The following ITGA6 variants were observed in gnomAD, a reference collection of about 807,000 sequenced individuals.
ITGA6 encodes the protein integrin subunit alpha 6, also known as integrin alpha-6.
ITGA6 carries 63 observed loss-of-function variants against 133.6 expected under a neutral mutation model. That is an observed-to-expected ratio of 0.47 (90% CI 0.38 to 0.58). The LOEUF (loss-of-function observed/expected upper bound fraction) is 0.58. Among genes scored for constraint, ITGA6 ranks in the 20% least tolerant of loss-of-function variants. The pLI is 0.00. For synonymous variants in ITGA6, 434 were observed against 482.0 expected (o/e 0.90, Z 1.30); for missense variants, 1,068 against 1,309.4 (o/e 0.82, Z 2.85).
rs1311330430 is a variant in ITGA6 at position 172,489,473 on chromosome 2, A to G, written c.2506-12A>G. The G allele has an allele frequency of 1.9e-6, 3 of 1,599,586 alleles. No individual in the cohort carries two copies. In the East Asian group the frequency reaches 6.7e-5, roughly 36 times the overall value. On this transcript the variant is annotated splice_polypyrimidine_tract_variant and intron_variant, in intron 19 of 25. Transcript: ENST00000684293. ...AGATTAGACTGAGATAATATGTATT[A>G]TTTTCTAACAGGTAATAAACTTAGG... is the stretch of plus-strand genomic sequence containing the variant.
In ITGA6 at chr2:172,478,475, G is replaced by A. The variant is rs566193123; in HGVS notation, c.1389-1166G>A. ...TTCTGAGTTCTGGTGGGGAGCAATG[G>A]AGGTGGGCCTCCTCACCCACTCATA... On this transcript the variant is annotated intron_variant, in intron 9 of 25. Coordinates refer to ENST00000684293, the MANE Select transcript of ITGA6 (RefSeq NM_000210.4). Among the ~76,000 whole-genome samples, 7 of 152,294 alleles carry A rather than the reference G, an allele frequency of 4.6e-5. No individual in the cohort carries two copies. The South Asian group carries it at 1.5e-3, about 32-fold the overall frequency.
intron 11 of ITGA6, 55 bp downstream of exon 11, chr2:172,480,106 T>G: frequency 9.6e-7 from 1 of 1,042,216 alleles, no homozygotes; most frequent in Non-Finnish European, 1.5e-6. Context: ...AGGTTGAAAG[T>G]TCTGCATAAA....
intron 2 of ITGA6, chr2:172,465,875 C>T (rs1685648322): frequency 1.4e-6 from 1 of 701,392 alleles, no homozygotes; most frequent in Non-Finnish European, 2.4e-6. Context: ...TCCTCCTAAC[C>T]GTGGTTTCTA....
Position 172,505,911 on chromosome 2 carries a change from T to C in ITGA6, c.*1843T>C, listed in dbSNP as rs1446801552. On this transcript the variant is annotated 3_prime_UTR_variant, in exon 26 of 26. Transcript: ENST00000684293. ...TGTGTCCCTAATGTGTTTAGATTGCTAGATTGCTAAGGAGCTGATACTTTG... is the reference window on the plus strand; with the variant it reads ...TGTGTCCCTAATGTGTTTAGATTGCCAGATTGCTAAGGAGCTGATACTTTG... The C allele has an allele frequency of 6.6e-6, 1 of 152,614 alleles. No individual in the cohort carries two copies. Among genetic ancestry groups the C allele is most frequent in the Non-Finnish European group, 1.5e-5 (1 of 68,022 alleles). 9.5% of individuals were successfully genotyped at this position (152,614 alleles called of 1,614,324 possible).
At chr2:172,466,351 G>A (rs1685672593) in intron 2 of ITGA6, among the ~76,000 whole-genome samples, 1 of 152,172 alleles carries the variant, frequency 6.6e-6, no homozygotes, top group East Asian at 1.9e-4. Context: ...AGGCGTCGGT[G>A]GCTCACACCT....
intron 11 of ITGA6, among the ~76,000 whole-genome samples, chr2:172,484,333 A>G (rs1686572228): frequency 6.6e-6 from 1 of 152,156 alleles, no homozygotes; most frequent in Non-Finnish European, 1.5e-5. Context: ...CCCTCAGGAG[A>G]TGCTGCTGTT....
intron 1 of ITGA6, among the ~76,000 whole-genome samples, chr2:172,437,929 A>G (rs150850053): frequency 3.3e-5 from 5 of 151,776 alleles, no homozygotes; most frequent in Middle Eastern, 3.4e-3. Flanking sequence ...ACTTACTGAG[A>G]TTTGATCGCT....
intron 1 of ITGA6, among the ~76,000 whole-genome samples, chr2:172,431,171 G>A (rs1228030924): frequency 6.6e-6 from 1 of 152,124 alleles, no homozygotes; most frequent in African/African-American, 2.4e-5. Flanking sequence ...TCTCAGACTT[G>A]TCATGTTCCA....
At chr2:172,437,561 A>G (rs1684371936) in intron 1 of ITGA6, among the ~76,000 whole-genome samples, 1 of 152,094 alleles carries the variant, frequency 6.6e-6, no homozygotes. Context: ...GGGCAGGAGT[A>G]TGGTTTTAGA....
intron 1 of ITGA6, among the ~76,000 whole-genome samples, chr2:172,436,135 A>G: frequency 6.6e-6 from 1 of 152,128 alleles, no homozygotes; most frequent in Non-Finnish European, 1.5e-5. Flanking sequence ...TGAATGAAGA[A>G]GACCTCCATG....
intron 13 of ITGA6, 89 bp downstream of exon 13, chr2:172,485,353 T>C: frequency 8.3e-7 from 1 of 1,204,120 alleles, no homozygotes. Context: ...GAACTAGTGA[T>C]TTGCTTTAAA....
At chr2:172,472,871 G>T in intron 5 of ITGA6, 1 of 1,605,254 alleles carries the variant, frequency 6.2e-7, no homozygotes, top group African/African-American at 1.3e-5. Context: ...TCCCTGATGT[G>T]ATGATGAATA....
rs1298504105 is a variant in ITGA6, at chr2:172,498,079, A to G, written c.3093A>G (p.Leu1031=). The G allele has an allele frequency of 5.0e-6, 8 of 1,613,576 alleles. No homozygotes were observed. Among genetic ancestry groups the G allele is most frequent in the Non-Finnish European group, 1.7e-6 (2 of 1,179,698 alleles). Residue 1031 remains leucine (L), a synonymous_variant, in exon 24 of 26, where the codon TTA becomes TTG. Coordinates refer to ENST00000684293, the MANE Select transcript of ITGA6 (RefSeq NM_000210.4). ...TCGCTGGGATCTTGATGCTTGCTTTATTAGTGTTTATACTATGGAAGGTAA... is the reference window on the plus strand; with the variant it reads ...TCGCTGGGATCTTGATGCTTGCTTTGTTAGTGTTTATACTATGGAAGGTAA... ...AILAGILMLA[L]LVFILWKCGF...
At chr2:172,439,498 C>T (rs1452096279) in intron 1 of ITGA6, among the ~76,000 whole-genome samples, 2 of 151,858 alleles carry the variant, frequency 1.3e-5, no homozygotes, top group Admixed American at 1.3e-4. Context: ...ATACATTCCC[C>T]TGGTGTGCTG....
chr2:172,504,210 A>AT lies in ITGA6; in HGVS notation c.*142_*143insT. On this transcript the variant is annotated 3_prime_UTR_variant, in exon 26 of 26. Transcript: ENST00000684293. The stretch of plus-strand genomic sequence containing the variant: ...AGTATATTGATAACCTTGAAAAAAA[A>AT]CAGTGGATCACAAAGTGGAACGAAA... 1 of 1,586,824 alleles carries AT rather than the reference A, an allele frequency of 6.3e-7. No homozygotes were observed. Among genetic ancestry groups the AT allele is most frequent in the Non-Finnish European group, 8.6e-7 (1 of 1,165,864 alleles).
Position 172,487,127 on chromosome 2 carries a change from T to A in ITGA6, c.1959T>A (p.Ser653=). The A allele has an allele frequency of 6.3e-7, 1 of 1,597,624 alleles. No homozygotes were observed. Among genetic ancestry groups the A allele is most frequent in the Non-Finnish European group, 8.6e-7 (1 of 1,165,036 alleles). The part of the protein sequence containing the change: ...CTREGNQDKF[S]YLPIQKGVPE... Reference sequence around the variant, plus strand: ...GAGAAGGAAATCAAGACAAATTTTCTTATTTACCAATGTAAGAATCGTTGT... The same window carrying A: ...GAGAAGGAAATCAAGACAAATTTTCATATTTACCAATGTAAGAATCGTTGT... The change falls in exon 14 of 26, where the codon TCT becomes TCA. Residue 653 remains serine (S), a synonymous_variant. Coordinates refer to ENST00000684293, the MANE Select transcript of ITGA6 (RefSeq NM_000210.4).
rs184205061 is a variant in ITGA6 at position 172,448,721 on chromosome 2, A to C, written c.183-16818A>C. 3.9e-4 allele frequency among the ~76,000 whole-genome samples: 60 copies of C among 152,340 alleles called. 1 individual carries two copies. Among genetic ancestry groups the C allele is most frequent in the African/African-American group, 1.4e-3 (58 of 41,574 alleles). ...AACCAACTTTCTGTGTAAACATGAA[A>C]ATTCCGGGCTGGATTTGTTCCACTG... On this transcript the variant is annotated intron_variant, in intron 1 of 25. Transcript: ENST00000684293.
rs1232461715 is a variant in ITGA6 at position 172,501,837 on chromosome 2, T to C, written c.3180T>C (p.His1060=). 1.2e-6 allele frequency: 2 copies of C among 1,607,000 alleles called. No homozygotes were observed. The highest frequency in any genetic ancestry group is 2.2e-5 in the South Asian group (2 of 90,926). Residue 1060 remains histidine, a synonymous_variant, in exon 25 of 26, where the codon CAT becomes CAC. Coordinates refer to ENST00000684293, the MANE Select transcript of ITGA6 (RefSeq NM_000210.4). ...YDATYHKAEI[H]AQPSDKERLT... ...CCACATATCACAAGGCTGAGATCCA[T>C]GCTCAGCCATCTGATAAAGAGAGGC...
In ITGA6 at chr2:172,499,254, G is replaced by A. The variant is rs1687253461; in HGVS notation, c.3114+1154G>A. ...TGAAGCTCATGACAAAACTCCTCCT[G>A]GTATGGAGTTTTAGCCAGTTTTACC... is the stretch of plus-strand genomic sequence containing the variant. On this transcript the variant is annotated intron_variant, in intron 24 of 25. Transcript: ENST00000684293. 2.0e-5 allele frequency among the ~76,000 whole-genome samples: 3 copies of A among 152,074 alleles called. No individual in the cohort carries two copies. In the South Asian group the frequency reaches 6.2e-4, roughly 32 times the overall value.
Sources: allele counts gnomAD v4.1 joint callset (sites outside exome capture counted in the v4.1 genomes callset), GRCh38; gene constraint gnomAD v4.1.1; transcripts MANE v1.5; gene names NCBI Gene and HGNC (gene_info 2026-07-23, HGNC 2026-07-21).